Variants in PRKD1 observed in about 807,000 individuals in gnomAD.
The protein encoded by PRKD1 is serine/threonine-protein kinase D1.
PRKD1 carries 63 observed loss-of-function variants against 95.9 expected under a neutral mutation model. The observed-to-expected ratio is 0.66, with a 90% confidence interval of 0.54 to 0.81. The LOEUF (loss-of-function observed/expected upper bound fraction) is 0.81, where lower values mean the gene tolerates loss of function less well. PRKD1 is among the 30% of genes least tolerant of loss of function. The pLI, the probability that PRKD1 is intolerant of heterozygous loss-of-function variation, is 0.00. For synonymous variants in PRKD1, 425 were observed against 423.1 expected (o/e 1.00, Z -0.05); for missense variants, 1,048 against 1,165.3 (o/e 0.90, Z 1.47).
chr14:29,907,907 A>C (rs1344055045), intron 1 of PRKD1, among the ~76,000 whole-genome samples: 1 of 152,236 alleles, frequency 6.6e-6, no homozygotes, highest in Non-Finnish European at 1.5e-5. Flanking sequence ...TAAAAGATCA[A>C]AGTGAAATGT....
chr14:29,584,431 T>C (rs1227615831), intron 16 of PRKD1, among the ~76,000 whole-genome samples: 3 of 152,196 alleles, frequency 2.0e-5, no homozygotes, highest in Admixed American at 2.0e-4. Context: ...TTCAATCATG[T>C]TCCATTTCCC....
At chr14:29,855,359 C>A (rs1892458676) in intron 1 of PRKD1, among the ~76,000 whole-genome samples, 2 of 152,166 alleles carry the variant, frequency 1.3e-5, no homozygotes, top group South Asian at 2.1e-4. Flanking sequence ...CAAAGGAGAT[C>A]ATTTTGAAGC....
At position 29,605,639 on chromosome 14, in the gene PRKD1, T is replaced by C. The variant is rs148765336; in HGVS notation, c.1906-5822A>G. On this transcript the variant is annotated intron_variant, in intron 13 of 17. Transcript: ENST00000331968. Reference sequence around the variant, plus strand: ...GTTGTTGGTGAACCTATTTGTCTTATTTACAAGGCTACAAGCTCCATAAGA... The same window carrying C: ...GTTGTTGGTGAACCTATTTGTCTTACTTACAAGGCTACAAGCTCCATAAGA... Among the ~76,000 whole-genome samples the C allele has an allele frequency of 3.6e-3, 549 of 152,314 alleles. 3 individuals are homozygous for C. Among genetic ancestry groups the C allele is most frequent in the African/African-American group, 0.013 (525 of 41,562 alleles).
chr14:29,747,466 T>C (rs1887280590), intron 1 of PRKD1, among the ~76,000 whole-genome samples: 1 of 152,024 alleles, frequency 6.6e-6, no homozygotes. Flanking sequence ...TCAAAAGAAC[T>C]AAAGACAGGC....
chr14:29,713,922 A>G (rs1885462012), intron 2 of PRKD1, among the ~76,000 whole-genome samples: 1 of 152,210 alleles, frequency 6.6e-6, no homozygotes, highest in Non-Finnish European at 1.5e-5. Flanking sequence ...CTGAAATTAA[A>G]CTCAGGCCGG....
chr14:29,865,998 A>C (rs1279897284), intron 1 of PRKD1, among the ~76,000 whole-genome samples: 1 of 152,208 alleles, frequency 6.6e-6, no homozygotes, highest in African/African-American at 2.4e-5. Flanking sequence ...GTATTCTTTG[A>C]ATATAATTTT....
chr14:29,793,764 A>C (rs1889677266), intron 1 of PRKD1, among the ~76,000 whole-genome samples: 1 of 152,066 alleles, frequency 6.6e-6, no homozygotes, highest in South Asian at 2.1e-4. Flanking sequence ...TTACCCACAG[A>C]AAAGGAAATA....
intron 1 of PRKD1, among the ~76,000 whole-genome samples, chr14:29,807,008 T>C (rs1890264253): frequency 1.3e-5 from 2 of 152,070 alleles, no homozygotes; most frequent in Non-Finnish European, 2.9e-5. Context: ...AAGTCTGCAA[T>C]AGCATTATGT....
At chr14:29,845,518 T>C (rs1398822459) in intron 1 of PRKD1, among the ~76,000 whole-genome samples, 5 of 152,096 alleles carry the variant, frequency 3.3e-5, no homozygotes, top group Non-Finnish European at 7.4e-5. Flanking sequence ...CATAAGACAA[T>C]GGGATAGAAA....
intron 1 of PRKD1, among the ~76,000 whole-genome samples, chr14:29,765,394 C>T (rs533844486): frequency 2.0e-5 from 3 of 152,304 alleles, no homozygotes; most frequent in East Asian, 1.9e-4. Context: ...ACAAGACATG[C>T]TGTTGAGAAC....
chr14:29,913,258 T>G (rs796473365), intron 1 of PRKD1, among the ~76,000 whole-genome samples: 3 of 152,354 alleles, frequency 2.0e-5, no homozygotes, highest in African/African-American at 7.2e-5. Flanking sequence ...ACTCTTTCTA[T>G]GAAATGTAAG....
rs200987283 is a variant in PRKD1, at chr14:29,927,416, G to A, written c.97C>T (p.Pro33Ser). 10 of 1,478,412 alleles carry A rather than the reference G, an allele frequency of 6.8e-6. No individual in the cohort carries two copies. The East Asian group carries it at 1.8e-4, about 26-fold the overall frequency. The allele number at this position is 1,478,412 out of a possible 1,614,324, so 91.6% of individuals were successfully genotyped here. ...AAAALVPGSG[P>S]GPAPFLAPVA... ...GGAGCCAAGAACGGCGCGGGCCCGG[G>A]CCCGGACCCTGGGACCAGTGCGGCG... Residue 33 changes from proline to serine, a missense_variant, in exon 1 of 18, where the codon CCC (proline) becomes TCC (serine). Pro to Ser is a moderately conservative substitution (Grantham distance 74). Around this residue, in one of 3 missense-constraint regions of PRKD1, gnomAD observed 34 missense variants for 54.8 expected, o/e 0.62. Transcript: ENST00000331968.
At chr14:29,855,962 G>A (rs936573698) in intron 1 of PRKD1, among the ~76,000 whole-genome samples, 1 of 152,072 alleles carries the variant, frequency 6.6e-6, no homozygotes, top group African/African-American at 2.4e-5. Flanking sequence ...TTTGTAAATT[G>A]CCCAGTCCTG....
At chr14:29,607,965 T>A (rs1156558508) in intron 13 of PRKD1, among the ~76,000 whole-genome samples, 1 of 152,236 alleles carries the variant, frequency 6.6e-6, no homozygotes, top group Non-Finnish European at 1.5e-5. Flanking sequence ...GGCAGGAATA[T>A]GAAGTCTTTG....
chr14:29,657,531 A>G (rs1171459176), intron 4 of PRKD1: 1 of 152,182 alleles, frequency 6.6e-6, no homozygotes, highest in African/African-American at 2.4e-5. Context: ...AGTCATGAGC[A>G]TTTGGACTGA....
At position 29,716,505 on chromosome 14, in the gene PRKD1, G is replaced by A. The variant is rs981763284; in HGVS notation, c.403+9031C>T. Among the ~76,000 whole-genome samples the A allele has an allele frequency of 2.0e-4, 30 of 152,120 alleles. No individual in the cohort carries two copies. In the East Asian group the frequency reaches 4.4e-3, roughly 22 times the overall value. On this transcript the variant is annotated intron_variant, in intron 2 of 17. Coordinates refer to ENST00000331968, the MANE Select transcript of PRKD1 (RefSeq NM_002742.3). ...GCAGGAGAGGTCAGCCAGACCTCAG[G>A]ATATCAATCCTCTTTCCTTCCAGAC...
At chr14:29,736,382 A>T (rs1214789665) in intron 1 of PRKD1, among the ~76,000 whole-genome samples, 1 of 152,212 alleles carries the variant, frequency 6.6e-6, no homozygotes, top group African/African-American at 2.4e-5. Context: ...GTGTACTGAA[A>T]CAATGCCTGA....
intron 13 of PRKD1, among the ~76,000 whole-genome samples, chr14:29,604,558 A>G (rs1742702792): frequency 6.6e-6 from 1 of 152,192 alleles, no homozygotes; most frequent in Admixed American, 6.5e-5. Context: ...GGTGGGGGGC[A>G]TGAGGTACAG....
intron 1 of PRKD1, among the ~76,000 whole-genome samples, chr14:29,790,613 A>C (rs2139192774): frequency 6.6e-6 from 1 of 152,182 alleles, no homozygotes. Flanking sequence ...ATTTCTGTAA[A>C]GTTTTCTTCA....
Sources: gnomAD v4.1 joint callset for allele counts (sites outside exome capture counted in the v4.1 genomes callset) on GRCh38, gnomAD v4.1.1 for gene constraint, gnomAD v4.1.1 regional missense constraint, MANE v1.5 for transcripts, NCBI Gene and HGNC (gene_info 2026-07-23, HGNC 2026-07-21) for gene names.